STAG2: variants seen among roughly 807,000 people sequenced by gnomAD.
STAG2 encodes cohesin subunit SA-2.
A neutral mutation model predicts 108.1 loss-of-function variants in STAG2; 14 were observed. The ratio of observed to expected loss-of-function variants is 0.13; its 90% CI spans 0.09 to 0.20. STAG2 has a LOEUF of 0.20. STAG2 is among the 10% of genes least tolerant of loss of function. The pLI is 1.00. For missense variants in STAG2, 440 were observed against 940.9 expected (o/e 0.47, Z 6.96); for synonymous variants, 307 against 302.7 (o/e 1.01, Z -0.15).
chrX:123,981,503 A>G (rs1459839936), intron 1 of STAG2, among the ~76,000 whole-genome samples: 2 of 112,004 alleles, frequency 1.8e-5, no homozygotes, highest in Non-Finnish European at 3.8e-5. Flanking sequence ...AAAGTGAATA[A>G]TATTCCATTG....
At chrX:124,072,908 T>TTTC (rs2058707932) in intron 25 of STAG2, among the ~76,000 whole-genome samples, 1 of 90,668 alleles carries the variant, frequency 1.1e-5, no homozygotes, top group Non-Finnish European at 2.1e-5. Flanking sequence ...TTCTTTCTTT[T>TTTC]TTTTTTTTTT....
chrX:124,067,459 AG>A (rs2058565968), intron 23 of STAG2, among the ~76,000 whole-genome samples: 1 of 110,204 alleles, frequency 9.1e-6, no homozygotes, highest in Admixed American at 9.8e-5. Context: ...GTAGACATGG[AG>A]TTTCACCATG....
chrX:124,017,123 A>G (rs746265957), intron 1 of STAG2, among the ~76,000 whole-genome samples: 1 of 111,013 alleles, frequency 9.0e-6, no homozygotes, highest in Non-Finnish European at 1.9e-5. Context: ...TATTATTAAT[A>G]TATGGATTCT....
At chrX:124,061,702 A>G in intron 16 of STAG2, 69 bp from the exon 17 acceptor site, 2 of 805,380 alleles carry the variant, frequency 2.5e-6, no homozygotes, top group Non-Finnish European at 3.5e-6. Flanking sequence ...TAATAATTAC[A>G]AGTGGCATAT....
intron 1 of STAG2, among the ~76,000 whole-genome samples, chrX:123,964,489 A>C (rs951192664): frequency 9.0e-6 from 1 of 111,442 alleles, no homozygotes; most frequent in Admixed American, 9.6e-5. Flanking sequence ...TATTAATAGG[A>C]GGGGCTTTGG....
At chrX:124,030,874 G>A (rs1407906640) in intron 4 of STAG2, 87 bp from the exon 5 acceptor site, 14 of 974,309 alleles carry the variant, frequency 1.4e-5, no homozygotes, top group African/African-American at 2.0e-5. Context: ...AGCATGTTAT[G>A]TACCCTATCA....
At chrX:124,077,568 T>C (rs1011303204) in intron 26 of STAG2, among the ~76,000 whole-genome samples, 1 of 112,026 alleles carries the variant, frequency 8.9e-6, no homozygotes, top group Non-Finnish European at 1.9e-5. Context: ...ATACCCGGTA[T>C]CAATGAATTA....
At chrX:124,057,586 A>T (rs1396305130) in intron 14 of STAG2, among the ~76,000 whole-genome samples, 1 of 112,479 alleles carries the variant, frequency 8.9e-6, no homozygotes, top group Non-Finnish European at 1.9e-5. Context: ...CAACAGTTAT[A>T]TAAAATACAG....
chrX:124,022,362 CTG>C (rs2056959751), intron 2 of STAG2, among the ~76,000 whole-genome samples, 167 bp from the exon 3 acceptor site: 1 of 57,590 alleles, frequency 1.7e-5, no homozygotes, highest in Non-Finnish European at 3.4e-5. Context: ...CAGAGTGAGA[CTG>C]TGTCTCAAAA....
At chrX:124,045,493 A>T (rs751993648) in intron 8 of STAG2, 125 bp downstream of exon 8, 11 of 570,695 alleles carry the variant, frequency 1.9e-5, no homozygotes, top group South Asian at 6.3e-5. Flanking sequence ...CACTAAGAGG[A>T]CACTCCCCCA....
rs776686375 is a variant in STAG2 at position 124,083,471 on chromosome X, A to G, written c.2975A>G (p.His992Arg). 8.3e-7 allele frequency: 1 copy of G among 1,199,848 alleles called. No homozygotes were observed. Among genetic ancestry groups the G allele is most frequent in the East Asian group, 3.0e-5 (1 of 33,380 alleles). Reference protein sequence around the residue: ...FKEPNPQGESHPPLNLAFLDI... With the variant: ...FKEPNPQGESRPPLNLAFLDI... ...GAGCCTAATCCGCAAGGGGAGAGCC[A>G]TCCACCTTTAAATTTGGCATTTCTT... The change falls in exon 29 of 35, where the codon CAT becomes CGT. Residue 992 changes from histidine (H) to arginine (R), a missense_variant. By Grantham distance (29) the His-to-Arg change is conservative. Coordinates refer to ENST00000371145, the MANE Select transcript of STAG2 (RefSeq NM_001042750.2).
intron 25 of STAG2, among the ~76,000 whole-genome samples, chrX:124,072,216 G>A (rs2058680651): frequency 9.0e-6 from 1 of 111,098 alleles, no homozygotes; most frequent in Non-Finnish European, 1.9e-5. Flanking sequence ...TGTTGCCCAG[G>A]CTGGTCTTGA....
At chrX:124,060,058 TATA>T (rs934003252) in intron 15 of STAG2, among the ~76,000 whole-genome samples, 1 of 112,042 alleles carries the variant, frequency 8.9e-6, no homozygotes, top group Non-Finnish European at 1.9e-5. Flanking sequence ...CTTTTTTTTG[TATA>T]ATGATTATGA....
intron 1 of STAG2, among the ~76,000 whole-genome samples, chrX:123,991,971 A>G (rs2055503876): frequency 8.8e-6 from 1 of 113,098 alleles, no homozygotes; most frequent in South Asian, 3.6e-4. Flanking sequence ...GGCCACAACA[A>G]CTATTTTCAT....
intron 5 of STAG2, among the ~76,000 whole-genome samples, chrX:124,035,965 T>G (rs761186416): frequency 2.9e-4 from 33 of 112,305 alleles, no homozygotes; most frequent in African/African-American, 1.1e-3. Context: ...GGGGCCATGT[T>G]TTAAAACTGT....
intron 1 of STAG2, among the ~76,000 whole-genome samples, chrX:124,008,353 A>G (rs62604413): frequency 0.017 from 1,798 of 108,170 alleles, 24 homozygotes; most frequent in Middle Eastern, 0.096. Flanking sequence ...TGCTGGGATT[A>G]CAGGCATGCG....
chrX:123,996,603 T>C (rs1426691268), intron 1 of STAG2, among the ~76,000 whole-genome samples: 1 of 111,667 alleles, frequency 9.0e-6, no homozygotes, highest in Non-Finnish European at 1.9e-5. Flanking sequence ...ATTTATATGT[T>C]TTTTTTGCTC....
At chrX:124,076,564 T>C (rs1307214927) in intron 26 of STAG2, 93 bp downstream of exon 26, 7 of 828,140 alleles carry the variant, frequency 8.5e-6, no homozygotes, top group Admixed American at 3.8e-5. Flanking sequence ...GCAAATTACA[T>C]TTCTAGTGTA....
At chrX:124,030,935 T>G (rs2057313666) in intron 4 of STAG2, 26 bp from the exon 5 acceptor site, 1 of 1,176,829 alleles carries the variant, frequency 8.5e-7, no homozygotes, top group Non-Finnish European at 1.1e-6. Flanking sequence ...GTGATATAAC[T>G]TAACCACCTC....
Sources: gnomAD v4.1 joint callset for allele counts (sites outside exome capture counted in the v4.1 genomes callset) on GRCh38, gnomAD v4.1.1 for gene constraint, MANE v1.5 for transcripts, NCBI Gene and HGNC (gene_info 2026-07-23, HGNC 2026-07-21) for gene names.